The following EPHA6 variants were observed in gnomAD, a reference collection of about 807,000 sequenced individuals.
The protein encoded by EPHA6 is EPH receptor A6, also known as ephrin type-A receptor 6.
Under a neutral mutation model 112.0 loss-of-function variants are expected in EPHA6, and 50 were observed. The observed-to-expected ratio is 0.45, with a 90% CI of 0.36 to 0.56. The LOEUF (loss-of-function observed/expected upper bound fraction) is 0.56, where lower values mean the gene tolerates loss of function less well. Among genes scored for constraint, EPHA6 ranks in the 20% least tolerant of loss-of-function variants. The pLI is 0.00. For missense variants in EPHA6, 1,280 were observed against 1,417.4 expected, an observed-to-expected ratio of 0.90 and a Z score of 1.56; for synonymous variants, 529 against 490.7, an observed-to-expected ratio of 1.08 and a Z score of -1.03.
At chr3:97,066,501 A>G (rs2108141035) in intron 3 of EPHA6, among the ~76,000 whole-genome samples, 1 of 152,326 alleles carries the variant, frequency 6.6e-6, no homozygotes, top group South Asian at 2.1e-4. Context: ...ACTAGAGAAG[A>G]GAAAGGTTTC....
At chr3:97,068,211 T>C (rs2046240978) in intron 3 of EPHA6, among the ~76,000 whole-genome samples, 1 of 151,300 alleles carries the variant, frequency 6.6e-6, no homozygotes, top group African/African-American at 2.4e-5. Context: ...ATTTTGGTTT[T>C]TGGTTGTTTA....
At chr3:97,017,575 T>C (rs968436525) in intron 3 of EPHA6, among the ~76,000 whole-genome samples, 4 of 152,174 alleles carry the variant, frequency 2.6e-5, no homozygotes, top group Non-Finnish European at 4.4e-5. Context: ...AGGGCTGAAC[T>C]GGACTCACAG....
intron 5 of EPHA6, among the ~76,000 whole-genome samples, chr3:97,272,589 C>T (rs1384573946): frequency 3.3e-5 from 5 of 149,272 alleles, no homozygotes; most frequent in African/African-American, 1.0e-4. Flanking sequence ...GGGGTAAGGC[C>T]GTTTTATAAG....
At chr3:97,394,319 T>C (rs2086582768) in intron 5 of EPHA6, among the ~76,000 whole-genome samples, 1 of 151,848 alleles carries the variant, frequency 6.6e-6, no homozygotes, top group African/African-American at 2.4e-5. Flanking sequence ...ATGAAACTAC[T>C]AGAAGAGAAC....
intron 6 of EPHA6, among the ~76,000 whole-genome samples, chr3:97,408,413 C>T (rs1311556786): frequency 3.3e-5 from 5 of 152,002 alleles, no homozygotes; most frequent in African/African-American, 1.2e-4. Context: ...TTTCTCTTCT[C>T]CTCCCTACTT....
At chr3:97,333,208 C>A (rs2108830253) in intron 5 of EPHA6, among the ~76,000 whole-genome samples, 1 of 151,928 alleles carries the variant, frequency 6.6e-6, no homozygotes, top group South Asian at 2.1e-4. Context: ...TGTAAGTATT[C>A]AATTTTACCT....
At chr3:96,892,217 T>G (rs548706342) in intron 2 of EPHA6, among the ~76,000 whole-genome samples, 1 of 152,102 alleles carries the variant, frequency 6.6e-6, no homozygotes, top group Admixed American at 6.5e-5. Context: ...ATTATTTGGT[T>G]TTTTGTTCGT....
Position 96,987,367 on chromosome 3 carries a change from C to A in EPHA6, c.488C>A (p.Pro163His), listed in dbSNP as rs549452361. 2 of 1,613,108 alleles carry A rather than the reference C, an allele frequency of 1.2e-6. No individual in the cohort carries two copies. The highest frequency in any genetic ancestry group is 1.7e-5 in the Admixed American group (1 of 59,952). ...AITEMDEHNR[P>H]IHTYQVCNVM... ...ACTGAAATGGATGAACATAATAGGC[C>A]CATTCACACATACCAGGTATGTAAT... The change falls in exon 3 of 18, where the codon CCC (proline) becomes CAC (histidine). Residue 163 changes from proline (P) to histidine (H), a missense_variant. Coordinates refer to ENST00000389672, the MANE Select transcript of EPHA6 (RefSeq NM_001080448.3).
chr3:97,376,370 G>A (rs1196591023), intron 5 of EPHA6, among the ~76,000 whole-genome samples: 1 of 152,140 alleles, frequency 6.6e-6, no homozygotes, highest in African/African-American at 2.4e-5. Context: ...GCTTCTGACT[G>A]TAAGATCATC....
chr3:97,205,558 C>T (rs964967909), intron 3 of EPHA6, among the ~76,000 whole-genome samples: 1 of 151,874 alleles, frequency 6.6e-6, no homozygotes, highest in African/African-American at 2.4e-5. Context: ...GAATGGGAAA[C>T]CTATGTAAAC....
chr3:97,007,033 G>A lies in EPHA6; in HGVS notation c.1114+19040G>A, dbSNP rs145689519. On this transcript the variant is annotated intron_variant, in intron 3 of 17. Coordinates refer to ENST00000389672, the MANE Select transcript of EPHA6 (RefSeq NM_001080448.3). ...GTGTTTTACTTCCAATTATGTGGTC[G>A]ATTTTAGAATAAGTGCCATGTGGCA... Among the ~76,000 whole-genome samples, 1,073 of 152,164 alleles carry A rather than the reference G, an allele frequency of 7.1e-3. 7 individuals carry two copies. Among genetic ancestry groups the A allele is most frequent in the African/African-American group, 0.025 (1,020 of 41,546 alleles).
chr3:97,643,716 T>C (rs2094031061), intron 14 of EPHA6, among the ~76,000 whole-genome samples: 1 of 152,042 alleles, frequency 6.6e-6, no homozygotes, highest in Non-Finnish European at 1.5e-5. Context: ...GGTAAAGGGA[T>C]CAATTCAACA....
rs895234191 is a variant in EPHA6, at chr3:97,754,828, A to C, written c.*6127A>C. 4.6e-5 allele frequency among the ~76,000 whole-genome samples: 7 copies of C among 152,090 alleles called. No homozygotes were observed. The highest frequency in any genetic ancestry group is 1.3e-4 in the Admixed American group (2 of 15,260). On this transcript the variant is annotated 3_prime_UTR_variant, in exon 18 of 18. Coordinates refer to ENST00000389672, the MANE Select transcript of EPHA6 (RefSeq NM_001080448.3). Reference sequence around the variant, plus strand: ...ACGCCATTCTCCTGCCTCAGTCTCCAGAGTAGCTGGAACTACAGGCGTCCG... The same window carrying C: ...ACGCCATTCTCCTGCCTCAGTCTCCCGAGTAGCTGGAACTACAGGCGTCCG...
intron 2 of EPHA6, among the ~76,000 whole-genome samples, chr3:96,896,733 A>G (rs774655036): frequency 1.3e-5 from 2 of 152,200 alleles, no homozygotes; most frequent in African/African-American, 4.8e-5. Flanking sequence ...GCAAGGAATT[A>G]TGATATCACC....
At chr3:97,471,904 G>A (rs989750927) in intron 7 of EPHA6, among the ~76,000 whole-genome samples, 2 of 151,720 alleles carry the variant, frequency 1.3e-5, no homozygotes, top group African/African-American at 4.8e-5. Flanking sequence ...CCAAAAGCAT[G>A]CTCCCTCCAA....
At chr3:97,398,337 T>C (rs766494545) in intron 5 of EPHA6, among the ~76,000 whole-genome samples, 3 of 151,540 alleles carry the variant, frequency 2.0e-5, no homozygotes, top group Admixed American at 6.6e-5. Context: ...ATTTATATGA[T>C]TTCCCTTTAA....
chr3:97,291,156 G>A (rs1706608137), intron 5 of EPHA6, among the ~76,000 whole-genome samples: 1 of 151,970 alleles, frequency 6.6e-6, no homozygotes, highest in African/African-American at 2.4e-5. Flanking sequence ...GGAGCATGTT[G>A]TTTAATTTCT....
chr3:97,482,723 G>C (rs1040960065), intron 9 of EPHA6, among the ~76,000 whole-genome samples: 4 of 152,074 alleles, frequency 2.6e-5, no homozygotes, highest in African/African-American at 9.7e-5. Flanking sequence ...GTTTTGCAAG[G>C]AGAGTCAAAC....
chr3:96,977,910 G>A (rs1321334038), intron 2 of EPHA6, among the ~76,000 whole-genome samples: 1 of 152,152 alleles, frequency 6.6e-6, no homozygotes, highest in Non-Finnish European at 1.5e-5. Context: ...TGTAATCCCA[G>A]AAGTTTGAGA....
Sources: allele counts gnomAD v4.1 joint callset (sites outside exome capture counted in the v4.1 genomes callset), GRCh38; gene constraint gnomAD v4.1.1; transcripts MANE v1.5; gene names NCBI Gene and HGNC (gene_info 2026-07-23, HGNC 2026-07-21).